The following CEP70 variants were observed in gnomAD, a reference collection of about 807,000 sequenced individuals.
The protein encoded by CEP70 is centrosomal protein 70.
A neutral mutation model predicts 90.9 loss-of-function variants in CEP70; 70 were observed. The observed-to-expected ratio is 0.77, with a 90% CI of 0.64 to 0.94. CEP70 has a LOEUF of 0.94. Among genes scored for constraint, CEP70 ranks in the 40% least tolerant of loss-of-function variants. CEP70 has a pLI of 0.00. For synonymous variants in CEP70, 220 were observed against 228.3 expected, an observed-to-expected ratio of 0.96 and a Z score of 0.33; for missense variants, 648 against 669.0, an observed-to-expected ratio of 0.97 and a Z score of 0.35.
chr3:138,584,757 A>T (rs1453123091), intron 2 of CEP70, among the ~76,000 whole-genome samples: 13 of 148,874 alleles, frequency 8.7e-5, no homozygotes, highest in South Asian at 4.3e-4. Flanking sequence ...TTCATGATTT[A>T]AAAAAAAAAC....
At chr3:138,572,046 G>C (rs1560439168) in intron 3 of CEP70, among the ~76,000 whole-genome samples, 1 of 144,528 alleles carries the variant, frequency 6.9e-6, no homozygotes, top group Non-Finnish European at 1.5e-5. Context: ...CCAAAGTGCT[G>C]AGATTACAGG....
chr3:138,572,671 A>T lies in CEP70; in HGVS notation c.69+188T>A, dbSNP rs180941135. On this transcript the variant is annotated intron_variant, in intron 3 of 17. Coordinates refer to ENST00000264982, the MANE Select transcript of CEP70 (RefSeq NM_024491.4). ...AAGTATGTATGAAATGCTGTATACT[A>T]AATCCTCCCTTTGGAGACTAATATT... 4.6e-5 allele frequency among the ~76,000 whole-genome samples: 7 copies of T among 152,252 alleles called. No homozygotes were observed. The East Asian group carries it at 1.3e-3, about 29-fold the overall frequency.
chr3:138,499,555 T>C (rs2034285178), intron 16 of CEP70, among the ~76,000 whole-genome samples: 1 of 152,186 alleles, frequency 6.6e-6, no homozygotes, highest in African/African-American at 2.4e-5. Context: ...TTATAGGCCT[T>C]ACAATCTATT....
chr3:138,553,035 C>T (rs891796125), intron 6 of CEP70, among the ~76,000 whole-genome samples: 1 of 152,078 alleles, frequency 6.6e-6, no homozygotes, highest in Admixed American at 6.5e-5. Context: ...TCATTCAAGG[C>T]TACTATCAAA....
intron 6 of CEP70, among the ~76,000 whole-genome samples, chr3:138,557,018 G>A (rs2040059322): frequency 6.6e-6 from 1 of 152,130 alleles, no homozygotes; most frequent in South Asian, 2.1e-4. Flanking sequence ...ATGGGAGACT[G>A]GGGCTTATTT....
chr3:138,551,945 G>A (rs564725263), intron 6 of CEP70, among the ~76,000 whole-genome samples: 1 of 152,064 alleles, frequency 6.6e-6, no homozygotes, highest in Admixed American at 6.6e-5. Flanking sequence ...TAACATATAA[G>A]GACTTACATA....
intron 11 of CEP70, among the ~76,000 whole-genome samples, chr3:138,523,797 A>G (rs1185532257): frequency 2.6e-5 from 4 of 151,944 alleles, no homozygotes; most frequent in Non-Finnish European, 4.4e-5. Flanking sequence ...TGGCCATACT[A>G]CCCAAGGTAA....
chr3:138,537,278 C>G lies in CEP70; in HGVS notation c.535G>C (p.Val179Leu). 6.2e-7 allele frequency: 1 copy of G among 1,609,498 alleles called. No homozygotes were observed. The highest frequency in any genetic ancestry group is 1.1e-5 in the South Asian group (1 of 89,960). The change falls in exon 7 of 18, where the codon GTC (valine) becomes CTC (leucine). Residue 179 changes from valine to leucine, a missense_variant. Transcript: ENST00000264982. ...EETIASLQME[V>L]CRLKKEEEDR... ...TCTTCCTCCTTTTTTAATCTACAGA[C>G]TTCCATTTGCAAAGAAGCAATAGTT...
At chr3:138,526,307 C>T (rs1164530065) in intron 10 of CEP70, among the ~76,000 whole-genome samples, 5 of 152,054 alleles carry the variant, frequency 3.3e-5, no homozygotes, top group Non-Finnish European at 7.4e-5. Flanking sequence ...ACTACCGATG[C>T]GTACCACCAC....
chr3:138,590,443 C>G (rs1209861865), intron 2 of CEP70, among the ~76,000 whole-genome samples: 2 of 152,136 alleles, frequency 1.3e-5, no homozygotes, highest in Non-Finnish European at 2.9e-5. Context: ...GTGACTAACT[C>G]AGGATCTTTA....
chr3:138,566,223 T>C (rs2040777494), intron 6 of CEP70, among the ~76,000 whole-genome samples: 1 of 152,192 alleles, frequency 6.6e-6, no homozygotes, highest in African/African-American at 2.4e-5. Flanking sequence ...TTTACACTGT[T>C]GGTGGGGGTG....
intron 11 of CEP70, among the ~76,000 whole-genome samples, chr3:138,524,975 T>A (rs967545778): frequency 6.6e-6 from 1 of 152,198 alleles, no homozygotes; most frequent in African/African-American, 2.4e-5. Flanking sequence ...GTATGTTTAT[T>A]GTGGCACTAT....
At chr3:138,503,780 C>T (rs1300556715) in intron 13 of CEP70, among the ~76,000 whole-genome samples, 1 of 152,192 alleles carries the variant, frequency 6.6e-6, no homozygotes, top group African/African-American at 2.4e-5. Context: ...GGGCTACAAT[C>T]AGAGTGTTCT....
At position 138,571,347 on chromosome 3, in the gene CEP70, C is replaced by T. The variant is rs2051672759; in HGVS notation, c.79G>A (p.Ala27Thr). Reference protein sequence around the residue: ...RLMTEKQQEEAEWESINVLLM... With the variant: ...RLMTEKQQEETEWESINVLLM... ...AGCACATTTATGCTTTCCCATTCTG[C>T]TTCTTCCTGCTACAATTACAGAAAG... The change falls in exon 4 of 18, where the codon GCA becomes ACA. Residue 27 changes from alanine to threonine, a missense_variant. Transcript: ENST00000264982. 1.9e-6 allele frequency: 3 copies of T among 1,602,260 alleles called. No homozygotes were observed. The highest frequency in any genetic ancestry group is 1.3e-5 in the African/African-American group (1 of 74,664).
chr3:138,518,796 C>T (rs1441610575), intron 11 of CEP70, among the ~76,000 whole-genome samples: 3 of 152,184 alleles, frequency 2.0e-5, no homozygotes, highest in Non-Finnish European at 4.4e-5. Flanking sequence ...CAAAGCAATG[C>T]AGCTCCTCAC....
intron 6 of CEP70, among the ~76,000 whole-genome samples, chr3:138,561,277 C>T (rs1045746212): frequency 6.6e-6 from 1 of 152,052 alleles, no homozygotes; most frequent in African/African-American, 2.4e-5. Flanking sequence ...CCAGCAAACT[C>T]CAGCAGACCT....
chr3:138,510,568 G>A (rs2035433274), intron 11 of CEP70, among the ~76,000 whole-genome samples: 2 of 152,148 alleles, frequency 1.3e-5, no homozygotes, highest in Admixed American at 6.5e-5. Context: ...ACATGATGGA[G>A]TTTTACTATT....
intron 11 of CEP70, among the ~76,000 whole-genome samples, chr3:138,514,317 T>G (rs1288717399): frequency 1.3e-5 from 2 of 152,220 alleles, no homozygotes; most frequent in African/African-American, 4.8e-5. Flanking sequence ...ATAATTAACA[T>G]GTATATAATG....
intron 6 of CEP70, among the ~76,000 whole-genome samples, chr3:138,564,807 C>T (rs1312106684): frequency 6.6e-6 from 1 of 152,200 alleles, no homozygotes; most frequent in African/African-American, 2.4e-5. Context: ...TGCCCTCTCT[C>T]ACCACTCCTA....
Sources: allele counts gnomAD v4.1 joint callset (sites outside exome capture counted in the v4.1 genomes callset), GRCh38; gene constraint gnomAD v4.1.1; transcripts MANE v1.5; gene names NCBI Gene and HGNC (gene_info 2026-07-23, HGNC 2026-07-21).